The following CNTNAP2 variants were observed in gnomAD, a reference collection of about 807,000 sequenced individuals.
CNTNAP2 encodes contactin-associated protein-like 2.
A neutral mutation model predicts 155.2 loss-of-function variants in CNTNAP2; 98 were observed. The observed-to-expected ratio is 0.63, with a 90% CI of 0.54 to 0.75. CNTNAP2 has a LOEUF of 0.75. CNTNAP2 is among the 30% of genes least tolerant of loss of function. The probability of loss-of-function intolerance (pLI) is 0.00; values close to 1 mark genes in which losing one functional copy is unlikely to be tolerated. For synonymous variants in CNTNAP2, 651 were observed against 631.2 expected (o/e 1.03, Z -0.47); for missense variants, 1,727 against 1,688.1 (o/e 1.02, Z -0.40).
At chr7:147,561,755 C>T (rs1800068992) in intron 11 of CNTNAP2, among the ~76,000 whole-genome samples, 1 of 152,022 alleles carries the variant, frequency 6.6e-6, no homozygotes, top group African/African-American at 2.4e-5. Context: ...TTTTCCTGGC[C>T]TCTTAGTTCA....
chr7:147,383,286 G>A (rs539597710), intron 9 of CNTNAP2, among the ~76,000 whole-genome samples: 50 of 151,518 alleles, frequency 3.3e-4, no homozygotes, highest in African/African-American at 1.0e-3. Context: ...AATACAGAGC[G>A]GTCTATAAGT....
At chr7:146,785,510 T>C (rs1563230049) in intron 2 of CNTNAP2, among the ~76,000 whole-genome samples, 1 of 152,220 alleles carries the variant, frequency 6.6e-6, no homozygotes, top group African/African-American at 2.4e-5. Flanking sequence ...ATTCTACTAA[T>C]TGTAAATTTC....
intron 13 of CNTNAP2, among the ~76,000 whole-genome samples, chr7:147,776,577 A>G (rs573317653): frequency 2.0e-5 from 3 of 152,296 alleles, no homozygotes; most frequent in Non-Finnish European, 2.9e-5. Flanking sequence ...CATGAATGCT[A>G]TATAAAAGGA....
intron 13 of CNTNAP2, among the ~76,000 whole-genome samples, chr7:147,732,188 C>CA (rs1554427858): frequency 8.9e-4 from 66 of 74,078 alleles, no homozygotes; most frequent in East Asian, 1.9e-3. Context: ...CCCTCCCCCC[C>CA]CCACCACCCC....
intron 14 of CNTNAP2, among the ~76,000 whole-genome samples, chr7:147,915,990 G>T (rs1300117606): frequency 2.0e-5 from 3 of 152,254 alleles, no homozygotes; most frequent in East Asian, 3.9e-4. Flanking sequence ...TCTTTTAGGA[G>T]CTTAACTACT....
chr7:148,207,340 G>C (rs1006415912), intron 18 of CNTNAP2, among the ~76,000 whole-genome samples: 1 of 152,158 alleles, frequency 6.6e-6, no homozygotes, highest in Non-Finnish European at 1.5e-5. Flanking sequence ...AGGCTGGCTG[G>C]AGCCACGTGG....
chr7:146,985,920 CTTAA>C (rs1205520674), intron 3 of CNTNAP2, among the ~76,000 whole-genome samples: 2 of 151,848 alleles, frequency 1.3e-5, no homozygotes, highest in Non-Finnish European at 2.9e-5. Context: ...TTTTTAAAAT[CTTAA>C]TTATTTTTAT....
At chr7:146,143,774 T>TA (rs1797915249) in intron 1 of CNTNAP2, among the ~76,000 whole-genome samples, 3 of 152,104 alleles carry the variant, frequency 2.0e-5, no homozygotes, top group Non-Finnish European at 1.5e-5. Flanking sequence ...AATTTATTTT[T>TA]TTTTTTGAAA....
chr7:146,478,937 G>A (rs1243605422), intron 1 of CNTNAP2, among the ~76,000 whole-genome samples: 1 of 152,038 alleles, frequency 6.6e-6, no homozygotes, highest in East Asian at 1.9e-4. Flanking sequence ...AAATAGGACC[G>A]ATTATTGAAG....
intron 15 of CNTNAP2, among the ~76,000 whole-genome samples, chr7:148,017,510 A>G (rs1405272060): frequency 6.6e-6 from 1 of 152,242 alleles, no homozygotes; most frequent in Non-Finnish European, 1.5e-5. Context: ...GTGAATTAAA[A>G]TGAAATCTTA....
At position 148,388,414 on chromosome 7, in the gene CNTNAP2, G is replaced by A. The variant is rs529399206; in HGVS notation, c.3715+4526G>A. Among the ~76,000 whole-genome samples, 255 of 151,280 alleles carry A rather than the reference G, an allele frequency of 1.7e-3. 1 individual carries two copies. The highest frequency in any genetic ancestry group is 5.7e-3 in the African/African-American group (236 of 41,232). On this transcript the variant is annotated intron_variant, in intron 22 of 23. Transcript: ENST00000361727. Reference sequence around the variant, plus strand: ...GCGGTGTTTGGTTTTTTGTCCTTGCGATAGTTTACTGAGAATGATGATTTC... The same window carrying A: ...GCGGTGTTTGGTTTTTTGTCCTTGCAATAGTTTACTGAGAATGATGATTTC...
intron 13 of CNTNAP2, among the ~76,000 whole-genome samples, chr7:147,848,532 T>G (rs1280153247): frequency 2.7e-5 from 4 of 150,800 alleles, no homozygotes; most frequent in African/African-American, 9.8e-5. Flanking sequence ...GTACCTCAGA[T>G]GGAAATGCAG....
intron 17 of CNTNAP2, among the ~76,000 whole-genome samples, chr7:148,167,721 T>C (rs1805696453): frequency 6.6e-6 from 1 of 152,120 alleles, no homozygotes; most frequent in Admixed American, 6.5e-5. Context: ...TGAGAGAGAC[T>C]ATGTAATTTG....
At chr7:146,681,439 G>C (rs111782740) in intron 1 of CNTNAP2, among the ~76,000 whole-genome samples, 1,325 of 91,688 alleles carry the variant, frequency 0.014, 32 homozygotes, top group Non-Finnish European at 0.021. Context: ...GGGGGTGGAG[G>C]GTGGAGGGTG....
intron 14 of CNTNAP2, among the ~76,000 whole-genome samples, chr7:147,945,868 CT>C (rs34305612): frequency 2.2e-3 from 269 of 123,346 alleles, no homozygotes; most frequent in African/African-American, 3.2e-3. Flanking sequence ...TTTTCTTTTT[CT>C]TTTTTTTTTT....
At chr7:146,626,390 C>T (rs572713624) in intron 1 of CNTNAP2, among the ~76,000 whole-genome samples, 2 of 152,096 alleles carry the variant, frequency 1.3e-5, no homozygotes, top group African/African-American at 4.8e-5. Context: ...TTATGGGTAC[C>T]TATAAATAAA....
intron 8 of CNTNAP2, among the ~76,000 whole-genome samples, chr7:147,229,378 A>T (rs1487595805): frequency 3.9e-5 from 6 of 152,198 alleles, no homozygotes; most frequent in Admixed American, 3.9e-4. Context: ...AGGATGTGGC[A>T]GTTGAGCAGA....
At chr7:147,062,141 A>C (rs866934775) in intron 4 of CNTNAP2, among the ~76,000 whole-genome samples, 2 of 80,582 alleles carry the variant, frequency 2.5e-5, no homozygotes, top group African/African-American at 1.1e-4. Context: ...AAAAAAAAAA[A>C]AAAAAAAAAA....
At chr7:148,255,604 T>G (rs761237127) in intron 20 of CNTNAP2, among the ~76,000 whole-genome samples, 2 of 152,244 alleles carry the variant, frequency 1.3e-5, no homozygotes, top group Non-Finnish European at 2.9e-5. Flanking sequence ...TTTCACTAAT[T>G]CTTTTAATTG....
Sources: allele counts gnomAD v4.1 joint callset (sites outside exome capture counted in the v4.1 genomes callset), GRCh38; gene constraint gnomAD v4.1.1; transcripts MANE v1.5; gene names NCBI Gene and HGNC (gene_info 2026-07-23, HGNC 2026-07-21).